The following DPP10 variants were observed in gnomAD, a reference collection of about 807,000 sequenced individuals.
DPP10 encodes inactive dipeptidyl peptidase 10.
DPP10 carries 33 observed loss-of-function variants against 120.9 expected under a neutral mutation model. That is an observed-to-expected ratio of 0.27 (90% CI 0.21 to 0.37). The LOEUF is 0.37. Ranked by LOEUF, DPP10 falls within the 10% of genes least tolerant of loss-of-function variation. The pLI is 1.00. For synonymous variants in DPP10, 337 were observed against 326.1 expected (o/e 1.03, Z -0.36); for missense variants, 816 against 942.8 (o/e 0.87, Z 1.76).
chr2:114,584,566 C>A (rs534964264), intron 1 of DPP10, among the ~76,000 whole-genome samples: 70 of 119,144 alleles, frequency 5.9e-4, no homozygotes, highest in African/African-American at 2.2e-3. Flanking sequence ...CCACAACAGG[C>A]CCCAGAGTGT....
At chr2:115,663,742 A>G (rs1473743349) in intron 5 of DPP10, among the ~76,000 whole-genome samples, 1 of 152,148 alleles carries the variant, frequency 6.6e-6, no homozygotes, top group African/African-American at 2.4e-5. Context: ...CACGCCTGTA[A>G]TCCCAGCACT....
At position 114,594,543 on chromosome 2, in the gene DPP10, TATATATACATATATTATGTATAC is replaced by T. The variant is rs1240860017; in HGVS notation, c.60+151720_60+151742del. On this transcript the variant is annotated intron_variant, in intron 1 of 25. Transcript: ENST00000410059. ...TATATGTGTAAAAGGAAGTATATAT[TATATATACATATATTATGTATAC>T]ATATATACATATATATCTCATATAT... Among the ~76,000 whole-genome samples, 277 of 147,882 alleles carry T rather than the reference TATATATACATATATTATGTATAC, an allele frequency of 1.9e-3. 1 individual carries two copies. Among genetic ancestry groups the T allele is most frequent in the Middle Eastern group, 7.1e-3 (2 of 280 alleles).
Position 115,168,200 on chromosome 2 carries a change from A to T in DPP10, c.61-141039A>T, listed in dbSNP as rs947055980. Among the ~76,000 whole-genome samples the T allele has an allele frequency of 3.3e-5, 5 of 152,138 alleles. No individual in the cohort carries two copies. In the East Asian group the frequency reaches 9.7e-4, roughly 29 times the overall value. On this transcript the variant is annotated intron_variant, in intron 1 of 25. Transcript: ENST00000410059. ...TACACCTTTTTCTGTGTAACCTTTA[A>T]ACACACATGTATGCTCCACTTATTA...
At chr2:115,574,984 A>C (rs924751293) in intron 5 of DPP10, among the ~76,000 whole-genome samples, 6 of 152,182 alleles carry the variant, frequency 3.9e-5, no homozygotes, top group Admixed American at 3.3e-4. Context: ...GGACTCCTGC[A>C]TGGTTTCCCT....
rs1683645659 is a variant in DPP10 at position 114,795,670 on chromosome 2, T to A, written c.60+352832T>A. On this transcript the variant is annotated intron_variant, in intron 1 of 25. Coordinates refer to ENST00000410059, the MANE Select transcript of DPP10 (RefSeq NM_020868.6). Reference sequence around the variant, plus strand: ...TTTTTTCAATAAATATATTTTTAAATGTTTAGAGATTTGTGACAATTTGAA... The same window carrying A: ...TTTTTTCAATAAATATATTTTTAAAAGTTTAGAGATTTGTGACAATTTGAA... Among the ~76,000 whole-genome samples, 3 of 152,164 alleles carry A rather than the reference T, an allele frequency of 2.0e-5. No individual in the cohort carries two copies. In the South Asian group the frequency reaches 6.2e-4, roughly 32 times the overall value.
At chr2:114,663,640 GATATATATATAT>G (rs748891458) in intron 1 of DPP10, among the ~76,000 whole-genome samples, 4 of 107,914 alleles carry the variant, frequency 3.7e-5, no homozygotes, top group Non-Finnish European at 6.7e-5. Flanking sequence ...TACATGTACA[GATATATATATAT>G]ATATATATAT....
At chr2:115,523,120 A>G (rs2077916208) in intron 4 of DPP10, among the ~76,000 whole-genome samples, 1 of 152,128 alleles carries the variant, frequency 6.6e-6, no homozygotes, top group African/African-American at 2.4e-5. Flanking sequence ...TTAATTTCAG[A>G]GAAGATTCAG....
chr2:115,155,739 G>C (rs1269080174), intron 1 of DPP10, among the ~76,000 whole-genome samples: 1 of 152,098 alleles, frequency 6.6e-6, no homozygotes, highest in Non-Finnish European at 1.5e-5. Flanking sequence ...CAAATATATA[G>C]AAAACCAATG....
chr2:114,950,372 G>T (rs1697689592), intron 1 of DPP10, among the ~76,000 whole-genome samples: 1 of 140,942 alleles, frequency 7.1e-6, no homozygotes. Flanking sequence ...TTGGCTCACT[G>T]CAAGCTCCGC....
intron 3 of DPP10, among the ~76,000 whole-genome samples, chr2:115,384,555 AGAG>A (rs1463316321): frequency 1.0e-4 from 7 of 70,228 alleles, no homozygotes; most frequent in Non-Finnish European, 1.7e-4. Flanking sequence ...AGGAAGAAGA[AGAG>A]GAAGAAGAAG....
At chr2:115,701,294 T>C (rs2091878356) in intron 7 of DPP10, among the ~76,000 whole-genome samples, 1 of 152,046 alleles carries the variant, frequency 6.6e-6, no homozygotes, top group Admixed American at 6.6e-5. Flanking sequence ...AAATAAACTT[T>C]CGCATTTATG....
At chr2:115,417,421 G>T (rs2069529477) in intron 3 of DPP10, among the ~76,000 whole-genome samples, 1 of 151,882 alleles carries the variant, frequency 6.6e-6, no homozygotes, top group South Asian at 2.1e-4. Flanking sequence ...TTTAGAAGGG[G>T]GTTATCTTAT....
At chr2:115,560,431 T>A (rs866817426) in intron 5 of DPP10, among the ~76,000 whole-genome samples, 2 of 74,666 alleles carry the variant, frequency 2.7e-5, no homozygotes, top group African/African-American at 5.2e-5. Context: ...TATATATATA[T>A]ATATATATAT....
In DPP10 at chr2:115,588,513, T is replaced by C. The variant is rs1315075075; in HGVS notation, c.441+62541T>C. Among the ~76,000 whole-genome samples, 3 of 152,288 alleles carry C rather than the reference T, an allele frequency of 2.0e-5. No individual in the cohort carries two copies. In the Middle Eastern group the frequency reaches 0.01, roughly 518 times the overall value. On this transcript the variant is annotated intron_variant, in intron 5 of 25. Transcript: ENST00000410059. The stretch of plus-strand genomic sequence containing the variant: ...GTGGAACCTTCCTAAGAAACAGACA[T>C]TGATCTTCCAAAGCAGGTGAAGCTC...
At chr2:115,441,680 A>T (rs1213269290) in intron 3 of DPP10, among the ~76,000 whole-genome samples, 1 of 152,150 alleles carries the variant, frequency 6.6e-6, no homozygotes, top group African/African-American at 2.4e-5. Context: ...CTCAAATCAC[A>T]TGGTTGGAAT....
intron 1 of DPP10, among the ~76,000 whole-genome samples, chr2:115,238,878 C>T (rs948034613): frequency 6.6e-6 from 1 of 152,180 alleles, no homozygotes; most frequent in African/African-American, 2.4e-5. Flanking sequence ...TTAACTCACA[C>T]GATCACAAGG....
intron 4 of DPP10, among the ~76,000 whole-genome samples, chr2:115,503,562 G>A (rs920683193): frequency 6.6e-6 from 1 of 152,066 alleles, no homozygotes; most frequent in African/African-American, 2.4e-5. Flanking sequence ...AAATTCGATT[G>A]GCCACGTAGC....
chr2:115,214,175 A>G (rs2056680202), intron 1 of DPP10, among the ~76,000 whole-genome samples: 1 of 152,190 alleles, frequency 6.6e-6, no homozygotes, highest in Non-Finnish European at 1.5e-5. Context: ...AACTGAGAGC[A>G]GTTGTGGATG....
At chr2:115,189,140 T>C (rs2054679413) in intron 1 of DPP10, among the ~76,000 whole-genome samples, 1 of 152,206 alleles carries the variant, frequency 6.6e-6, no homozygotes, top group African/African-American at 2.4e-5. Flanking sequence ...AGGGTGTGAC[T>C]TGCAGATGGA....
Sources: allele counts gnomAD v4.1 joint callset (sites outside exome capture counted in the v4.1 genomes callset), GRCh38; gene constraint gnomAD v4.1.1; transcripts MANE v1.5; gene names NCBI Gene and HGNC (gene_info 2026-07-23, HGNC 2026-07-21).